The following KCNIP4 variants were observed in gnomAD, a reference collection of about 807,000 sequenced individuals.
KCNIP4 encodes potassium voltage-gated channel interacting protein 4, also known as Kv channel-interacting protein 4.
A neutral mutation model predicts 34.0 loss-of-function variants in KCNIP4; 12 were observed. The observed-to-expected ratio is 0.35, with a 90% CI of 0.23 to 0.57. The LOEUF (loss-of-function observed/expected upper bound fraction) is 0.57, where lower values mean the gene tolerates loss of function less well. KCNIP4 is among the 20% of genes least tolerant of loss of function. The pLI is 0.83. For synonymous variants in KCNIP4, 124 were observed against 102.2 expected (o/e 1.21, Z -1.29); for missense variants, 238 against 311.7 (o/e 0.76, Z 1.78).
chr4:20,810,091 T>G (rs1715539307), intron 3 of KCNIP4, among the ~76,000 whole-genome samples: 1 of 152,198 alleles, frequency 6.6e-6, no homozygotes, highest in South Asian at 2.1e-4. Context: ...TGCAGCAACT[T>G]GGCAACTGGG....
At position 20,831,577 on chromosome 4, in the gene KCNIP4, C is replaced by T. The variant is rs564527791; in HGVS notation, c.288+18966G>A. Among the ~76,000 whole-genome samples, 11 of 152,286 alleles carry T rather than the reference C, an allele frequency of 7.2e-5. 1 individual carries two copies. Among genetic ancestry groups the T allele is most frequent in the African/African-American group, 2.6e-4 (11 of 41,564 alleles). On this transcript the variant is annotated intron_variant, in intron 3 of 8. Transcript: ENST00000382152. The stretch of plus-strand genomic sequence containing the variant: ...CCAAAAAATATATTCTAGTCACACA[C>T]ACACAAAACTAATTAATTAGAAAAA...
intron 3 of KCNIP4, among the ~76,000 whole-genome samples, chr4:20,780,558 A>G (rs1756784548): frequency 6.6e-6 from 1 of 152,172 alleles, no homozygotes; most frequent in Non-Finnish European, 1.5e-5. Flanking sequence ...TTACTTCAGG[A>G]ACTGCCAATA....
At chr4:21,348,753 T>C (rs905511463) in intron 1 of KCNIP4, among the ~76,000 whole-genome samples, 1 of 152,186 alleles carries the variant, frequency 6.6e-6, no homozygotes, top group Non-Finnish European at 1.5e-5. Flanking sequence ...AGTTAAAAAA[T>C]AAACACAAAG....
chr4:21,752,054 A>T (rs577863798), intron 1 of KCNIP4, among the ~76,000 whole-genome samples: 1 of 152,166 alleles, frequency 6.6e-6, no homozygotes, highest in African/African-American at 2.4e-5. Context: ...CTGCTCTCTC[A>T]TATGAGATTC....
At chr4:21,138,636 A>C (rs1751700820) in intron 1 of KCNIP4, among the ~76,000 whole-genome samples, 1 of 152,034 alleles carries the variant, frequency 6.6e-6, no homozygotes, top group South Asian at 2.1e-4. Context: ...TGAAGATGTT[A>C]ACTTACATAC....
chr4:21,621,901 C>T (rs565484631), intron 1 of KCNIP4, among the ~76,000 whole-genome samples: 13 of 152,180 alleles, frequency 8.5e-5, no homozygotes, highest in Middle Eastern at 3.4e-3. Flanking sequence ...TGACCTAAGC[C>T]GGCATAAGCT....
intron 1 of KCNIP4, chr4:21,855,604 G>A (rs1282510234): frequency 6.6e-6 from 1 of 152,136 alleles, no homozygotes; most frequent in Non-Finnish European, 1.5e-5. Context: ...TGGGACCCTA[G>A]AGAAACTTGA....
At chr4:21,381,289 T>C (rs1490072827) in intron 1 of KCNIP4, among the ~76,000 whole-genome samples, 1 of 152,184 alleles carries the variant, frequency 6.6e-6, no homozygotes, top group Non-Finnish European at 1.5e-5. Flanking sequence ...AAGATCTCTA[T>C]ACCTCTCCAG....
chr4:21,217,389 CAT>C (rs146748994), intron 1 of KCNIP4, among the ~76,000 whole-genome samples: 2,092 of 152,214 alleles, frequency 0.014, 50 homozygotes, highest in African/African-American at 0.048. Flanking sequence ...TGGGAGGAGA[CAT>C]GTGGGCAAAG....
At chr4:21,897,893 A>G (rs1727487930) in intron 1 of KCNIP4, among the ~76,000 whole-genome samples, 2 of 152,306 alleles carry the variant, frequency 1.3e-5, no homozygotes, top group Middle Eastern at 3.4e-3. Context: ...TATGGCCTAC[A>G]CCACTCCATC....
At chr4:21,320,909 A>G (rs765356300) in intron 1 of KCNIP4, among the ~76,000 whole-genome samples, 1 of 149,232 alleles carries the variant, frequency 6.7e-6, no homozygotes, top group African/African-American at 2.5e-5. Flanking sequence ...AGGTTGCAAC[A>G]AACTGAGATG....
chr4:21,633,991 G>C (rs958811402), intron 1 of KCNIP4, among the ~76,000 whole-genome samples: 4 of 151,820 alleles, frequency 2.6e-5, no homozygotes, highest in Admixed American at 6.6e-5. Flanking sequence ...AGAGCTTCTA[G>C]AAAAGTTTAC....
intron 1 of KCNIP4, among the ~76,000 whole-genome samples, chr4:20,940,714 T>C (rs1051042199): frequency 6.6e-6 from 1 of 152,230 alleles, no homozygotes; most frequent in African/African-American, 2.4e-5. Context: ...GCAGAAATTT[T>C]ATCCAGGCTA....
chr4:21,007,863 T>C (rs1738710898), intron 1 of KCNIP4, among the ~76,000 whole-genome samples: 1 of 152,220 alleles, frequency 6.6e-6, no homozygotes, highest in Non-Finnish European at 1.5e-5. Context: ...TGAAGCACAC[T>C]TGTTTATTCT....
chr4:20,988,925 G>T (rs1300242545), intron 1 of KCNIP4, among the ~76,000 whole-genome samples: 2 of 152,176 alleles, frequency 1.3e-5, no homozygotes, highest in South Asian at 4.1e-4. Flanking sequence ...CAGAAAGTCG[G>T]CACCAGTGGG....
chr4:21,699,913 C>A (rs1712697159), intron 1 of KCNIP4, among the ~76,000 whole-genome samples: 1 of 151,932 alleles, frequency 6.6e-6, no homozygotes, highest in South Asian at 2.1e-4. Context: ...TCACAGTGGC[C>A]CAGGTGAGAA....
intron 1 of KCNIP4, among the ~76,000 whole-genome samples, chr4:21,579,397 C>A (rs1347951609): frequency 6.6e-6 from 1 of 152,104 alleles, no homozygotes; most frequent in East Asian, 1.9e-4. Flanking sequence ...TTATTTATAT[C>A]CTTTGCATAT....
chr4:21,564,609 T>A (rs1051457196), intron 1 of KCNIP4, among the ~76,000 whole-genome samples: 1 of 152,098 alleles, frequency 6.6e-6, no homozygotes, highest in Admixed American at 6.6e-5. Context: ...AAATTTGTAA[T>A]TCCGTGTCTT....
intron 1 of KCNIP4, chr4:21,730,186 T>C (rs1373697295): frequency 6.6e-6 from 1 of 152,128 alleles, no homozygotes; most frequent in Admixed American, 6.6e-5. Flanking sequence ...TAAAATAAAA[T>C]AAGTGCCTGG....
Sources: allele counts gnomAD v4.1 joint callset (sites outside exome capture counted in the v4.1 genomes callset), GRCh38; gene constraint gnomAD v4.1.1; transcripts MANE v1.5; gene names NCBI Gene and HGNC (gene_info 2026-07-23, HGNC 2026-07-21).